Variants in ME2 observed in about 807,000 individuals in gnomAD.
ME2 encodes NAD-dependent malic enzyme, mitochondrial.
Under a neutral mutation model 73.7 loss-of-function variants are expected in ME2, and 60 were observed. That is an observed-to-expected ratio of 0.81 (90% CI 0.66 to 1.01). The LOEUF (loss-of-function observed/expected upper bound fraction) is 1.01. Among genes scored for constraint, ME2 ranks in the 50% least tolerant of loss-of-function variants. The probability of loss-of-function intolerance (pLI) is 0.00; values close to 1 mark genes in which losing one functional copy is unlikely to be tolerated. For synonymous variants in ME2, 199 were observed against 236.9 expected, an observed-to-expected ratio of 0.84 and a Z score of 1.47; for missense variants, 594 against 705.5, an observed-to-expected ratio of 0.84 and a Z score of 1.79.
chr18:50,924,338 CT>C (rs757604118), intron 11 of ME2, 126 bp downstream of exon 11: 1 of 625,560 alleles, frequency 1.6e-6, no homozygotes, highest in Non-Finnish European at 2.8e-6. Context: ...ACAATGTTTT[CT>C]GTGATAACTT....
intron 12 of ME2, 101 bp downstream of exon 12, chr18:50,925,999 T>G (rs919083342): frequency 6.5e-5 from 53 of 819,736 alleles, no homozygotes; most frequent in Admixed American, 3.4e-4. Flanking sequence ...CCCTAGAGAT[T>G]ACAGCATGCA....
At chr18:50,940,252 A>C in intron 14 of ME2, 36 bp from the exon 15 acceptor site, 1 of 1,448,808 alleles carries the variant, frequency 6.9e-7, no homozygotes, top group Non-Finnish European at 9.6e-7. Context: ...TCTGTTATTT[A>C]AACAAACAAA....
chr18:50,917,542 C>G, intron 6 of ME2, 34 bp downstream of exon 6: 1 of 1,456,300 alleles, frequency 6.9e-7, no homozygotes, highest in Non-Finnish European at 9.3e-7. Flanking sequence ...TTATCTTCCT[C>G]CTGTATTTTT....
In ME2 at chr18:50,925,810, C is replaced by A; in HGVS notation, c.1226C>A (p.Ser409Tyr). 1 of 1,612,604 alleles carries A rather than the reference C, an allele frequency of 6.2e-7. No homozygotes were observed. The highest frequency in any genetic ancestry group is 1.1e-5 in the South Asian group (1 of 91,044). ...CCTGATGTAATCAGAGCCATGGCCT[C>A]TATCAATGAAAGGCCTGTAATATTT... ...FTPDVIRAMA[S>Y]INERPVIFAL... is the part of the protein sequence containing the mutation. The change falls in exon 12 of 16, where the codon TCT (serine) becomes TAT (tyrosine). Residue 409 changes from serine to tyrosine, a missense_variant. Physicochemically the swap from Ser to Tyr is moderately radical, Grantham distance 144 (BLOSUM62 -2). Coordinates refer to ENST00000321341, the MANE Select transcript of ME2 (RefSeq NM_002396.5).
chr18:50,917,561 G>A, intron 6 of ME2, 53 bp downstream of exon 6: 2 of 1,278,500 alleles, frequency 1.6e-6, no homozygotes, highest in Non-Finnish European at 1.1e-6. Context: ...TTTAAAATGT[G>A]TACAATATTC....
At position 50,920,405 on chromosome 18, in the gene ME2, G is replaced by A. The variant is rs754329785; in HGVS notation, c.735-51G>A. 1.1e-5 allele frequency: 13 copies of A among 1,228,956 alleles called. No individual in the cohort carries two copies. In the East Asian group the frequency reaches 2.8e-4, roughly 27 times the overall value. The allele number at this position is 1,228,956 out of a possible 1,614,324, so 76.1% of individuals were successfully genotyped here. ...CATAGGGAATATTAGGTGGAAAGCT[G>A]TTTAATAGTGTTATTTTCAACACAA... On this transcript the variant is annotated intron_variant, in intron 7 of 15. Coordinates refer to ENST00000321341, the MANE Select transcript of ME2 (RefSeq NM_002396.5).
intron 13 of ME2, chr18:50,935,571 C>A (rs1917797001): frequency 7.0e-6 from 1 of 142,702 alleles, no homozygotes; most frequent in Non-Finnish European, 1.5e-5. Context: ...AGTGAGACCC[C>A]CATCTCTATA....
chr18:50,939,712 C>A, intron 14 of ME2, 72 bp downstream of exon 14: 1 of 1,042,880 alleles, frequency 9.6e-7, no homozygotes, highest in Non-Finnish European at 1.5e-6. Context: ...AAATTAAAGG[C>A]AGAGAGAGAA....
At position 50,947,118 on chromosome 18, in the gene ME2, T is replaced by G. The variant is rs1827418310; in HGVS notation, c.1689T>G (p.Asp563Glu). 6.2e-7 allele frequency: 1 copy of G among 1,613,894 alleles called. No homozygotes were observed. Among genetic ancestry groups the G allele is most frequent in the African/African-American group, 1.3e-5 (1 of 74,928 alleles). ...AAAGAACATGGCGGAGTGAATATGA[T>G]TCCCTGCTGCCAGATGTGTATGAAT... ...VKERTWRSEY[D>E]SLLPDVYEWP... is the part of the protein sequence containing the mutation. Residue 563 changes from aspartate (D) to glutamate (E), a missense_variant, in exon 16 of 16, where the codon GAT becomes GAG. By Grantham distance (45) the Asp-to-Glu change is conservative (BLOSUM62 2). Coordinates refer to ENST00000321341, the MANE Select transcript of ME2 (RefSeq NM_002396.5).
chr18:50,889,050 T>C (rs1338496675), intron 1 of ME2, among the ~76,000 whole-genome samples: 1 of 152,226 alleles, frequency 6.6e-6, no homozygotes, highest in African/African-American at 2.4e-5. Flanking sequence ...TATTTTTAAA[T>C]GTACAGTAGA....
intron 1 of ME2, among the ~76,000 whole-genome samples, chr18:50,890,167 CTATTTTGCAGCT>C: frequency 6.6e-6 from 1 of 152,204 alleles, no homozygotes; most frequent in Non-Finnish European, 1.5e-5. Flanking sequence ...AATGTTTCTT[CTATTTTGCAGCT>C]TACTCAAAAG....
intron 3 of ME2, among the ~76,000 whole-genome samples, chr18:50,912,384 A>G (rs1336832716): frequency 6.6e-6 from 1 of 152,210 alleles, no homozygotes; most frequent in Non-Finnish European, 1.5e-5. Context: ...TCCCTGGAGA[A>G]TAGTGCCAGG....
chr18:50,925,979 CT>C, intron 12 of ME2, 81 bp downstream of exon 12: 1 of 991,848 alleles, frequency 1.0e-6, no homozygotes, highest in Non-Finnish European at 1.5e-6. Context: ...CACCATTGTT[CT>C]AATGGTTTCC....
intron 1 of ME2, among the ~76,000 whole-genome samples, chr18:50,880,200 A>G (rs186112803): frequency 6.0e-4 from 91 of 152,324 alleles, no homozygotes; most frequent in African/African-American, 1.8e-3. Flanking sequence ...GATTATCTCA[A>G]AATAACCCTT....
intron 12 of ME2, among the ~76,000 whole-genome samples, chr18:50,926,734 C>T (rs1917562117): frequency 6.6e-6 from 1 of 152,050 alleles, no homozygotes; most frequent in Non-Finnish European, 1.5e-5. Context: ...TTCCTTTGGC[C>T]CTATTTTCCA....
chr18:50,895,831 G>A lies in ME2; in HGVS notation c.11G>A (p.Arg4Gln), dbSNP rs780887004. 27 of 1,611,592 alleles carry A rather than the reference G, an allele frequency of 1.7e-5. No individual in the cohort carries two copies. In the East Asian group the frequency reaches 2.2e-4, roughly 13 times the overall value. The change falls in exon 2 of 16, where the codon CGG becomes CAG. Residue 4 changes from arginine to glutamine, a missense_variant. Coordinates refer to ENST00000321341, the MANE Select transcript of ME2 (RefSeq NM_002396.5). MLS[R>Q]LRVVSTTCTL... ...CAGGTGAAAGAAAAGATGTTGTCCC[G>A]GTTAAGAGTAGTTTCCACCACTTGT...
intron 12 of ME2, among the ~76,000 whole-genome samples, chr18:50,926,116 G>T (rs1235221671): frequency 6.6e-6 from 1 of 152,000 alleles, no homozygotes; most frequent in Non-Finnish European, 1.5e-5. Context: ...CACTATTGTT[G>T]TGAATTTTAA....
chr18:50,932,188 G>A lies in ME2; in HGVS notation c.1315-70G>A, dbSNP rs183649617. ...CTATTTTACTTCAGGACTTGATTTT[G>A]TATGAATTCACCTCAATTTTCTCAT... is the stretch of plus-strand genomic sequence containing the variant. On this transcript the variant is annotated intron_variant, in intron 12 of 15. Transcript: ENST00000321341. 1.2e-3 allele frequency: 1,549 copies of A among 1,320,182 alleles called. 18 individuals are homozygous for A. In the African/African-American group the frequency reaches 0.021, roughly 18 times the overall value. The allele number at this position is 1,320,182 out of a possible 1,614,324, so 81.8% of individuals were successfully genotyped here.
At chr18:50,939,677 G>T in intron 14 of ME2, 37 bp downstream of exon 14, 4 of 1,361,510 alleles carry the variant, frequency 2.9e-6, no homozygotes, top group South Asian at 1.2e-5. Context: ...TATAAAGGAT[G>T]AATTATAAAG....
Sources: allele counts gnomAD v4.1 joint callset (sites outside exome capture counted in the v4.1 genomes callset), GRCh38; gene constraint gnomAD v4.1.1; transcripts MANE v1.5; gene names NCBI Gene and HGNC (gene_info 2026-07-23, HGNC 2026-07-21).